The following EZH2 variants were observed in gnomAD, a reference collection of about 807,000 sequenced individuals.
EZH2 encodes histone-lysine N-methyltransferase EZH2.
EZH2 carries 18 observed loss-of-function variants against 98.4 expected under a neutral mutation model. The ratio of observed to expected loss-of-function variants is 0.18; its 90% CI spans 0.13 to 0.27. EZH2 has a LOEUF of 0.27. Ranked by LOEUF, EZH2 falls within the 10% of genes least tolerant of loss-of-function variation. The pLI, the probability that EZH2 is intolerant of heterozygous loss-of-function variation, is 1.00. For missense variants in EZH2, 470 were observed against 935.1 expected, an observed-to-expected ratio of 0.50 and a Z score of 6.49; for synonymous variants, 338 against 312.3, an observed-to-expected ratio of 1.08 and a Z score of -0.87.
intron 1 of EZH2, among the ~76,000 whole-genome samples, chr7:148,849,763 CTAGT>C (rs1815190205): frequency 1.3e-5 from 2 of 152,286 alleles, no homozygotes; most frequent in African/African-American, 4.8e-5. Context: ...TTCCTATCTG[CTAGT>C]TAGTTAACAG....
chr7:148,839,887 A>G (rs1178799465), intron 3 of EZH2, among the ~76,000 whole-genome samples: 2 of 152,228 alleles, frequency 1.3e-5, no homozygotes, highest in Non-Finnish European at 2.9e-5. Context: ...CTTATGAATC[A>G]TAAGAAAAGC....
At chr7:148,860,450 C>A (rs73158275) in intron 1 of EZH2, among the ~76,000 whole-genome samples, 8,531 of 152,026 alleles carry the variant, frequency 0.056, 304 homozygotes, top group Middle Eastern at 0.082. Flanking sequence ...CTAAATCAGC[C>A]ACTGCTACAA....
rs1480552835 is a variant in EZH2, at chr7:148,826,596, T to C, written c.765A>G (p.Ala255=). 5 of 1,562,328 alleles carry C rather than the reference T, an allele frequency of 3.2e-6. No homozygotes were observed. The highest frequency in any genetic ancestry group is 3.5e-6 in the Non-Finnish European group (4 of 1,150,964). Residue 255 remains alanine (A), a synonymous_variant, in exon 8 of 20, where the codon GCA becomes GCG. Transcript: ENST00000320356. ...KELTEQQLPG[A]LPPECTPNID... ...TGTTGGGGGTACATTCAGGAGGAAG[T>C]GCGCCTGGGAGCTGCTGTTCGGTGA...
rs143804252 is a variant in EZH2, at chr7:148,810,725, T to A, written c.1948-311A>T. ...GGCTCACGCCTGTAATCCCAGCACT[T>A]TGGGAGGCCGAGGCGGGCAGATCAC... On this transcript the variant is annotated intron_variant, in intron 16 of 19. Transcript: ENST00000320356. 3.1e-3 allele frequency among the ~76,000 whole-genome samples: 476 copies of A among 152,116 alleles called. 2 individuals carry two copies. Among genetic ancestry groups the A allele is most frequent in the African/African-American group, 0.011 (447 of 41,496 alleles).
At position 148,869,407 on chromosome 7, in the gene EZH2, G is replaced by A. The variant is rs891550835; in HGVS notation, c.-8+14757C>T. Among the ~76,000 whole-genome samples, 4 of 138,026 alleles carry A rather than the reference G, an allele frequency of 2.9e-5. No individual in the cohort carries two copies. The East Asian group carries it at 6.7e-4, about 23-fold the overall frequency. 90.6% of individuals were successfully genotyped at this position (138,026 alleles called of 152,430 possible). ...GTCACACAGGCTGGAGTGCAGGGGT[G>A]CAAACACGGCTCACTGCAGTCTCTA... On this transcript the variant is annotated intron_variant, in intron 1 of 19. Transcript: ENST00000320356.
intron 1 of EZH2, among the ~76,000 whole-genome samples, chr7:148,871,546 C>T (rs1318326165): frequency 6.7e-6 from 1 of 150,302 alleles, no homozygotes; most frequent in Admixed American, 6.6e-5. Flanking sequence ...ACCCTATACA[C>T]AAGTTTCACA....
intron 1 of EZH2, among the ~76,000 whole-genome samples, chr7:148,855,581 T>C (rs1311924078): frequency 1.3e-5 from 2 of 152,262 alleles, no homozygotes; most frequent in East Asian, 3.9e-4. Flanking sequence ...TGACAGATGG[T>C]AAGCACTATA....
At chr7:148,813,125 T>C (rs79489479) in intron 15 of EZH2, among the ~76,000 whole-genome samples, 357 of 152,126 alleles carry the variant, frequency 2.3e-3, no homozygotes, top group Non-Finnish European at 3.9e-3. Context: ...GAGGATTTGA[T>C]CTCCTGCTCC....
intron 1 of EZH2, among the ~76,000 whole-genome samples, chr7:148,875,231 C>T (rs1478485057): frequency 1.3e-5 from 2 of 152,120 alleles, no homozygotes; most frequent in Non-Finnish European, 2.9e-5. Flanking sequence ...TTAAATGACT[C>T]GTGAATTAAG....
At chr7:148,866,041 C>A (rs1818392147) in intron 1 of EZH2, among the ~76,000 whole-genome samples, 1 of 152,158 alleles carries the variant, frequency 6.6e-6, no homozygotes, top group Non-Finnish European at 1.5e-5. Context: ...CCCCACAGTT[C>A]ATGATCTTGC....
intron 1 of EZH2, among the ~76,000 whole-genome samples, chr7:148,872,495 A>C (rs1819567615): frequency 6.6e-6 from 1 of 152,246 alleles, no homozygotes; most frequent in Admixed American, 6.5e-5. Context: ...GGCTTTTTAC[A>C]ATTTTTAAAA....
rs529846735 is a variant in EZH2, at chr7:148,846,358, A to G, written c.246+112T>C. On this transcript the variant is annotated intron_variant, in intron 3 of 19. Coordinates refer to ENST00000320356, the MANE Select transcript of EZH2 (RefSeq NM_004456.5). The stretch of plus-strand genomic sequence containing the variant: ...TTGCACATTAAAAAGAAATAGCAAT[A>G]AAAAGATGGACACCCTGAGGTCAAT... 4 of 1,185,226 alleles carry G rather than the reference A, an allele frequency of 3.4e-6. No homozygotes were observed. The African/African-American group carries it at 4.7e-5, about 14-fold the overall frequency. The allele number at this position is 1,185,226 out of a possible 1,614,324, so 73.4% of individuals were successfully genotyped here. A position where few individuals can be genotyped will look rare whatever the true frequency, so the allele number is the denominator to read the frequency against.
At chr7:148,824,714 C>A (rs1446212858) in intron 8 of EZH2, among the ~76,000 whole-genome samples, 2 of 152,132 alleles carry the variant, frequency 1.3e-5, no homozygotes, top group East Asian at 3.9e-4. Context: ...GAAAAATATA[C>A]CATGTGTGGT....
At chr7:148,872,797 T>G (rs879926255) in intron 1 of EZH2, among the ~76,000 whole-genome samples, 2 of 152,186 alleles carry the variant, frequency 1.3e-5, no homozygotes, top group Non-Finnish European at 2.9e-5. Flanking sequence ...ACTAAGAGAC[T>G]AAAATAGATA....
At chr7:148,839,208 C>CTGA (rs943092012) in intron 3 of EZH2, among the ~76,000 whole-genome samples, 3 of 152,158 alleles carry the variant, frequency 2.0e-5, no homozygotes, top group African/African-American at 7.2e-5. Context: ...ACCAAGAAGG[C>CTGA]TGATTCTGCT....
At chr7:148,883,266 G>A (rs1167289501) in intron 1 of EZH2, 1 of 152,278 alleles carries the variant, frequency 6.6e-6, no homozygotes, top group Non-Finnish European at 1.5e-5. Context: ...GTAACCCTGT[G>A]GCACAGATTT....
chr7:148,866,971 C>T lies in EZH2; in HGVS notation c.-8+17193G>A, dbSNP rs1222020911. 2.7e-5 allele frequency among the ~76,000 whole-genome samples: 4 copies of T among 150,732 alleles called. No homozygotes were observed. The East Asian group carries it at 7.9e-4, about 30-fold the overall frequency. On this transcript the variant is annotated intron_variant, in intron 1 of 19. Coordinates refer to ENST00000320356, the MANE Select transcript of EZH2 (RefSeq NM_004456.5). ...TCAAGTGATCCACCCGCCTCAGCCTCCCAAAGTGCTGGGATTACAGACGTG... is the reference window on the plus strand; with the variant it reads ...TCAAGTGATCCACCCGCCTCAGCCTTCCAAAGTGCTGGGATTACAGACGTG...
At position 148,829,816 on chromosome 7, in the gene EZH2, A is replaced by G. The variant is rs61732845; in HGVS notation, c.396T>C (p.Pro132=). ...VEDETVLHNI[P]YMGDEVLDQD... ...GATCTAAAACTTCATCTCCCATATA[A>G]GGAATGTTATGTAAAACAGTTTCAT... Residue 132 remains proline, a synonymous_variant, in exon 5 of 20, where the codon CCT becomes CCC. Coordinates refer to ENST00000320356, the MANE Select transcript of EZH2 (RefSeq NM_004456.5). The G allele has an allele frequency of 5.8e-3, 9,181 of 1,596,652 alleles. 40 individuals are homozygous for G. The highest frequency in any genetic ancestry group is 6.1e-3 in the Non-Finnish European group (7,143 of 1,169,504).
intron 19 of EZH2, 142 bp from the exon 20 acceptor site, chr7:148,807,848 A>G: frequency 3.2e-6 from 2 of 621,142 alleles, no homozygotes; most frequent in South Asian, 4.1e-5. Context: ...CCATCCAATT[A>G]CACAGCTGCC....
Sources: gnomAD v4.1 joint callset for allele counts (sites outside exome capture counted in the v4.1 genomes callset) on GRCh38, gnomAD v4.1.1 for gene constraint, MANE v1.5 for transcripts, NCBI Gene and HGNC (gene_info 2026-07-23, HGNC 2026-07-21) for gene names.